The following NF1 variants were observed in gnomAD, a reference collection of about 807,000 sequenced individuals.
The protein encoded by NF1 is neurofibromin 1, also known as neurofibromin.
NF1 carries 122 observed loss-of-function variants against 325.7 expected under a neutral mutation model. That is an observed-to-expected ratio of 0.37 (90% CI 0.32 to 0.44). The LOEUF is 0.44. Ranked by LOEUF, NF1 falls within the 20% of genes least tolerant of loss-of-function variation. The pLI, the probability that NF1 is intolerant of heterozygous loss-of-function variation, is 1.00. For synonymous variants in NF1, 1,091 were observed against 1,186.0 expected, an observed-to-expected ratio of 0.92 and a Z score of 1.65; for missense variants, 2,140 against 3,415.4, an observed-to-expected ratio of 0.63 and a Z score of 9.31.
At chr17:31,322,084 AGT>A (rs201751441) in intron 36 of NF1, among the ~76,000 whole-genome samples, 4 of 98,516 alleles carry the variant, frequency 4.1e-5, no homozygotes, top group South Asian at 4.0e-4. Flanking sequence ...CGTGTGGTGT[AGT>A]GTGTGTATAC....
At chr17:31,278,493 C>CTTTTTT (rs200450821) in intron 36 of NF1, among the ~76,000 whole-genome samples, 4 of 15,340 alleles carry the variant, frequency 2.6e-4, no homozygotes, top group African/African-American at 7.1e-4. Flanking sequence ...GTAATTGAAG[C>CTTTTTT]TTTTTTTTTT....
intron 39 of NF1, among the ~76,000 whole-genome samples, chr17:31,333,759 C>T (rs1479825960): frequency 1.3e-5 from 2 of 152,206 alleles, no homozygotes; most frequent in Non-Finnish European, 2.9e-5. Context: ...TTTGAATGTA[C>T]TCAGTGCCAC....
chr17:31,218,546 TTTTC>T (rs1035446083), intron 13 of NF1, among the ~76,000 whole-genome samples: 7 of 152,090 alleles, frequency 4.6e-5, no homozygotes, highest in South Asian at 2.1e-4. Context: ...TAGAACTTTT[TTTTC>T]TTTCTTTCTT....
At chr17:31,193,760 A>G (rs1198101791) in intron 8 of NF1, among the ~76,000 whole-genome samples, 1 of 152,182 alleles carries the variant, frequency 6.6e-6, no homozygotes, top group Non-Finnish European at 1.5e-5. Context: ...AGACAGACAC[A>G]TGACCAACAG....
At chr17:31,194,988 G>T (rs2066408806) in intron 8 of NF1, among the ~76,000 whole-genome samples, 1 of 152,032 alleles carries the variant, frequency 6.6e-6, no homozygotes, top group African/African-American at 2.4e-5. Flanking sequence ...TGCCAAATTA[G>T]TAATGTGAAT....
rs554458514 is a variant in NF1, at chr17:31,199,415, A to G, written c.889-1007A>G. ...TATCTGCTGTTGGTTTTTCATTTCC[A>G]TTATGATCACAAAACATACTTTGTA... On this transcript the variant is annotated intron_variant, in intron 8 of 57. Transcript: ENST00000358273. Among the ~76,000 whole-genome samples, 16 of 152,150 alleles carry G rather than the reference A, an allele frequency of 1.1e-4. No homozygotes were observed. In the South Asian group the frequency reaches 3.1e-3, roughly 30 times the overall value.
intron 11 of NF1, among the ~76,000 whole-genome samples, chr17:31,205,335 A>G (rs2066601110): frequency 6.6e-6 from 1 of 152,176 alleles, no homozygotes; most frequent in Non-Finnish European, 1.5e-5. Context: ...GATTTTTTAA[A>G]TAAACATCTG....
Position 31,221,885 on chromosome 17 carries a change from T to G in NF1, c.1677T>G (p.Asp559Glu). The G allele has an allele frequency of 6.2e-7, 1 of 1,607,018 alleles. No individual in the cohort carries two copies. Among genetic ancestry groups the G allele is most frequent in the Non-Finnish European group, 8.5e-7 (1 of 1,179,036 alleles). ...TTCTTCATCAGTTAGATAGCATTGATTTGTGGAATCCTGATGCTCCTGTAG... is the reference window on the plus strand; with the variant it reads ...TTCTTCATCAGTTAGATAGCATTGAGTTGTGGAATCCTGATGCTCCTGTAG... Reference protein sequence around the residue: ...LLVLHQLDSIDLWNPDAPVET... With the variant: ...LLVLHQLDSIELWNPDAPVET... The change falls in exon 15 of 58, where the codon GAT (aspartate) becomes GAG (glutamate). Residue 559 changes from aspartate (D) to glutamate (E), a missense_variant. Asp to Glu is a conservative substitution (Grantham distance 45, BLOSUM62 2). This residue lies in a region of NF1 where 179 missense variants were observed against 381.0 expected (regional missense o/e 0.47). Transcript: ENST00000358273.
chr17:31,347,597 T>C (rs1245947039), intron 48 of NF1, among the ~76,000 whole-genome samples: 1 of 148,622 alleles, frequency 6.7e-6, no homozygotes, highest in African/African-American at 2.5e-5. Flanking sequence ...CTTAAAAATA[T>C]GTATCCCTTC....
At chr17:31,156,222 T>A (rs2065659809) in intron 2 of NF1, 96 bp downstream of exon 2, 1 of 1,417,906 alleles carries the variant, frequency 7.1e-7, no homozygotes, top group Non-Finnish European at 9.9e-7. Context: ...GGAAAGTGAT[T>A]TTCTGTGGAC....
chr17:31,262,009 A>G, intron 35 of NF1, 152 bp downstream of exon 35: 1 of 664,494 alleles, frequency 1.5e-6, no homozygotes, highest in Non-Finnish European at 2.6e-6. Flanking sequence ...ACTATATATT[A>G]TTTATATATA....
chr17:31,371,995 C>T (rs1426709567), intron 57 of NF1, among the ~76,000 whole-genome samples: 2 of 152,158 alleles, frequency 1.3e-5, no homozygotes, highest in Non-Finnish European at 2.9e-5. Context: ...AAGTTCATTT[C>T]CTGTTCATGA....
intron 31 of NF1, among the ~76,000 whole-genome samples, chr17:31,256,561 C>G (rs2067586831): frequency 6.6e-6 from 1 of 152,324 alleles, no homozygotes; most frequent in Admixed American, 6.5e-5. Context: ...ATTCATTTTT[C>G]TAACCTTTAT....
At chr17:31,322,381 G>A (rs779546295) in intron 36 of NF1, among the ~76,000 whole-genome samples, 9 of 151,666 alleles carry the variant, frequency 5.9e-5, no homozygotes, top group Non-Finnish European at 1.0e-4. Flanking sequence ...TTGGGAGGCT[G>A]AGACAGGAGA....
At chr17:31,284,844 G>A (rs1471056583) in intron 36 of NF1, among the ~76,000 whole-genome samples, 2 of 152,140 alleles carry the variant, frequency 1.3e-5, no homozygotes, top group African/African-American at 4.8e-5. Flanking sequence ...GTGGAGGCCG[G>A]GCGTGGTGGC....
At chr17:31,171,479 A>C (rs1422061882) in intron 5 of NF1, among the ~76,000 whole-genome samples, 1 of 152,202 alleles carries the variant, frequency 6.6e-6, no homozygotes, top group East Asian at 1.9e-4. Context: ...AGTCTAGTCC[A>C]GGTTGCCTGT....
intron 8 of NF1, among the ~76,000 whole-genome samples, chr17:31,185,816 A>G (rs2066228117): frequency 6.6e-6 from 1 of 152,188 alleles, no homozygotes; most frequent in African/African-American, 2.4e-5. Context: ...CAACAGATCC[A>G]ATGGTGCTTG....
chr17:31,263,099 G>GA lies in NF1; in HGVS notation c.4724+1242_4724+1243insA, dbSNP rs1567864130. 2.1e-4 allele frequency among the ~76,000 whole-genome samples: 19 copies of GA among 89,744 alleles called. 1 individual carries two copies. Among genetic ancestry groups the GA allele is most frequent in the African/African-American group, 7.7e-4 (19 of 24,780 alleles). 58.9% of individuals were successfully genotyped at this position (89,744 alleles called of 152,430 possible). On this transcript the variant is annotated intron_variant, in intron 35 of 57. Coordinates refer to ENST00000358273, the MANE Select transcript of NF1 (RefSeq NM_001042492.3). ...GATAGGTAGGTAGGTAGGTAGGTAG[G>GA]TAGGTAGGTAGATAGATAGATAGAT...
chr17:31,330,253 G>C, intron 38 of NF1, 43 bp from the exon 39 acceptor site: 2 of 1,592,376 alleles, frequency 1.3e-6, no homozygotes, highest in Non-Finnish European at 8.6e-7. Context: ...GAACTATAAG[G>C]AAAAATACGT....
Sources: gnomAD v4.1 joint callset for allele counts (sites outside exome capture counted in the v4.1 genomes callset) on GRCh38, gnomAD v4.1.1 for gene constraint, gnomAD v4.1.1 regional missense constraint, MANE v1.5 for transcripts, NCBI Gene and HGNC (gene_info 2026-07-23, HGNC 2026-07-21) for gene names.